BLTP1: variants seen among roughly 807,000 people sequenced by gnomAD.
BLTP1 encodes fragile site-associated protein.
chr4:122,189,025 G>C, the BLTP1 span: 1 of 985,048 alleles, frequency 1.0e-6, no homozygotes, highest in Non-Finnish European at 1.2e-6. Flanking sequence ...GAATCTTCTG[G>C]AATGTGGACT....
the BLTP1 span, chr4:122,171,966 C>T: frequency 5.4e-5 from 53 of 974,982 alleles, no homozygotes; most frequent in Non-Finnish European, 6.3e-5. Flanking sequence ...CTGAAGGACT[C>T]ATATAACAAC....
the BLTP1 span, chr4:122,220,584 CTT>C: frequency 1.2e-6 from 1 of 849,272 alleles, no homozygotes; most frequent in Non-Finnish European, 1.8e-6. Flanking sequence ...AAGTTGGAGA[CTT>C]TTAAGTTAAC....
the BLTP1 span, chr4:122,276,698 A>G: frequency 1.7e-5 from 15 of 896,296 alleles, no homozygotes; most frequent in African/African-American, 2.7e-4. Context: ...TTCAGAGCCT[A>G]CCTTCATGCT....
At chr4:122,294,605 A>G in the BLTP1 span, among the ~76,000 whole-genome samples, 22 of 152,208 alleles carry the variant, frequency 1.4e-4, no homozygotes, top group Non-Finnish European at 2.5e-4. Context: ...AACCCCATTC[A>G]GAGGTCAGCA....
At chr4:122,348,519 G>A in the BLTP1 span, 1 of 1,485,146 alleles carries the variant, frequency 6.7e-7, no homozygotes, top group Non-Finnish European at 9.0e-7. Context: ...TTTGTAACTA[G>A]CTTGGCATTT....
the BLTP1 span, chr4:122,207,970 T>C: frequency 1.2e-5 from 12 of 984,400 alleles, no homozygotes; most frequent in Non-Finnish European, 1.4e-5. Context: ...CTTTATTTGA[T>C]TCTTAATTGT....
chr4:122,187,879 ATTT>A, the BLTP1 span: 11 of 1,312,086 alleles, frequency 8.4e-6, no homozygotes, highest in East Asian at 5.3e-5. Flanking sequence ...TTATCTGTTT[ATTT>A]TTTTTTTTTT....
At chr4:122,237,356 A>G in the BLTP1 span, 1 of 985,250 alleles carries the variant, frequency 1.0e-6, no homozygotes, top group Non-Finnish European at 1.2e-6. Context: ...GTGGTGCTTC[A>G]CTCTGATCCT....
At chr4:122,194,092 G>A in the BLTP1 span, among the ~76,000 whole-genome samples, 1 of 152,120 alleles carries the variant, frequency 6.6e-6, no homozygotes, top group Admixed American at 6.6e-5. Flanking sequence ...TCGATCTCCT[G>A]ACCTCGTGAT....
the BLTP1 span, chr4:122,301,404 T>G: frequency 1.3e-6 from 2 of 1,513,668 alleles, no homozygotes; most frequent in Non-Finnish European, 8.9e-7. Context: ...CAAGGTAACA[T>G]AAATATAATG....
the BLTP1 span, chr4:122,197,489 C>A: frequency 6.0e-6 from 5 of 833,120 alleles, no homozygotes; most frequent in Non-Finnish European, 7.2e-6. Flanking sequence ...GTCTTATATG[C>A]TTTTATTATA....
the BLTP1 span, chr4:122,202,571 T>C: frequency 1.0e-6 from 1 of 960,692 alleles, no homozygotes. Flanking sequence ...GCTTCTCACT[T>C]AAGATTTTGT....
chr4:122,244,045 A>C, the BLTP1 span: 5 of 1,559,376 alleles, frequency 3.2e-6, no homozygotes, highest in Non-Finnish European at 4.3e-6. Context: ...TTTTGTCTAG[A>C]AATACAACTG....
At chr4:122,170,440 C>T in the BLTP1 span, 1 of 966,738 alleles carries the variant, frequency 1.0e-6, no homozygotes, top group Non-Finnish European at 1.2e-6. Flanking sequence ...CATTCTCTTA[C>T]ATTTTAGTAG....
At chr4:122,224,489 T>C in the BLTP1 span, 4 of 1,607,770 alleles carry the variant, frequency 2.5e-6, no homozygotes, top group Non-Finnish European at 3.4e-6. Context: ...TCATCATTAT[T>C]GTTTTCAGCA....
At chr4:122,184,860 C>G in the BLTP1 span, 1 of 984,384 alleles carries the variant, frequency 1.0e-6, no homozygotes, top group East Asian at 1.1e-4. Context: ...TAATGAACAG[C>G]TGCTCTAGCT....
At chr4:122,238,149 TAGAG>T in the BLTP1 span, 1 of 1,613,820 alleles carries the variant, frequency 6.2e-7, no homozygotes, top group Non-Finnish European at 8.5e-7. Flanking sequence ...GGAATAGAAG[TAGAG>T]AGAAAAACTC....
At chr4:122,216,262 CTTCTT>C in the BLTP1 span, among the ~76,000 whole-genome samples, 3 of 151,998 alleles carry the variant, frequency 2.0e-5, no homozygotes, top group African/African-American at 4.8e-5. Flanking sequence ...CATATAATGA[CTTCTT>C]TTCTTTTGGG....
At chr4:122,275,692 C>A in the BLTP1 span, among the ~76,000 whole-genome samples, 2 of 151,842 alleles carry the variant, frequency 1.3e-5, no homozygotes, top group Admixed American at 1.3e-4. Context: ...CTCTTTTTTC[C>A]CCCAAGTAAA....
Sources: allele counts gnomAD v4.1 joint callset (sites outside exome capture counted in the v4.1 genomes callset), GRCh38; gene constraint gnomAD v4.1.1; transcripts MANE v1.5; gene names NCBI Gene and HGNC (gene_info 2026-07-23, HGNC 2026-07-21).